Variants in STXBP5L observed in about 807,000 individuals in gnomAD.
STXBP5L encodes the protein syntaxin binding protein 5L.
A neutral mutation model predicts 144.5 loss-of-function variants in STXBP5L; 65 were observed. The observed-to-expected ratio is 0.45, with a 90% CI of 0.37 to 0.55. The LOEUF (loss-of-function observed/expected upper bound fraction) is 0.55, where lower values mean the gene tolerates loss of function less well. Among genes scored for constraint, STXBP5L ranks in the 20% least tolerant of loss-of-function variants. The pLI is 0.00. For synonymous variants in STXBP5L, 505 were observed against 469.6 expected, an observed-to-expected ratio of 1.08 and a Z score of -0.97; for missense variants, 1,298 against 1,405.5, an observed-to-expected ratio of 0.92 and a Z score of 1.22.
At chr3:121,083,460 A>G (rs2042343385) in intron 5 of STXBP5L, among the ~76,000 whole-genome samples, 2 of 151,922 alleles carry the variant, frequency 1.3e-5, no homozygotes, top group Admixed American at 1.3e-4. Context: ...TCACAAGTTC[A>G]AGACCAGCCT....
intron 20 of STXBP5L, among the ~76,000 whole-genome samples, chr3:121,365,493 T>C (rs1030446632): frequency 6.6e-6 from 1 of 151,844 alleles, no homozygotes; most frequent in East Asian, 1.9e-4. Flanking sequence ...TCTTTGTGAC[T>C]TGGTCATGGC....
At chr3:121,122,109 A>G (rs910850441) in intron 7 of STXBP5L, among the ~76,000 whole-genome samples, 46 of 151,338 alleles carry the variant, frequency 3.0e-4, no homozygotes, top group African/African-American at 1.1e-3. Context: ...ATGTACTAAT[A>G]TATAAAATGT....
intron 5 of STXBP5L, among the ~76,000 whole-genome samples, chr3:121,083,403 T>C (rs1168844257): frequency 6.6e-6 from 1 of 152,136 alleles, no homozygotes; most frequent in African/African-American, 2.4e-5. Flanking sequence ...GGCTCACGCC[T>C]GTAATTCCAA....
At chr3:121,127,529 C>A (rs2044764915) in intron 7 of STXBP5L, among the ~76,000 whole-genome samples, 1 of 151,730 alleles carries the variant, frequency 6.6e-6, no homozygotes, top group African/African-American at 2.4e-5. Flanking sequence ...TTTCCATTTT[C>A]ACATGATCTT....
intron 3 of STXBP5L, among the ~76,000 whole-genome samples, chr3:120,993,119 G>A (rs977921353): frequency 2.0e-5 from 3 of 151,738 alleles, no homozygotes; most frequent in African/African-American, 7.3e-5. Context: ...TGTCTGCCCT[G>A]GTCTTTTGCC....
intron 20 of STXBP5L, among the ~76,000 whole-genome samples, chr3:121,363,471 A>G (rs1037415632): frequency 2.6e-5 from 4 of 152,022 alleles, no homozygotes; most frequent in African/African-American, 4.8e-5. Context: ...GATGGTTGAA[A>G]TTCTCTCTCT....
intron 20 of STXBP5L, among the ~76,000 whole-genome samples, chr3:121,348,084 G>A (rs2045084361): frequency 6.6e-6 from 1 of 152,114 alleles, no homozygotes; most frequent in Admixed American, 6.5e-5. Flanking sequence ...GTATGATATT[G>A]GCTGTGGGTT....
chr3:121,028,910 G>C (rs980627536), intron 3 of STXBP5L, among the ~76,000 whole-genome samples: 1 of 151,996 alleles, frequency 6.6e-6, no homozygotes, highest in African/African-American at 2.4e-5. Flanking sequence ...TAGAAAGGGA[G>C]TTTATTCTCC....
chr3:120,921,431 C>T (rs1709354213), intron 2 of STXBP5L, among the ~76,000 whole-genome samples: 1 of 151,828 alleles, frequency 6.6e-6, no homozygotes, highest in South Asian at 2.1e-4. Flanking sequence ...TGGGTTGTCT[C>T]TTTACCTTGT....
chr3:121,338,031 A>G (rs1171115288), intron 20 of STXBP5L, among the ~76,000 whole-genome samples: 1 of 152,154 alleles, frequency 6.6e-6, no homozygotes, highest in Non-Finnish European at 1.5e-5. Flanking sequence ...CAAGTTATCA[A>G]AACCTCTGGG....
intron 19 of STXBP5L, among the ~76,000 whole-genome samples, chr3:121,317,799 A>G (rs1312500668): frequency 6.6e-6 from 1 of 152,144 alleles, no homozygotes; most frequent in Non-Finnish European, 1.5e-5. Flanking sequence ...AATATTGGAA[A>G]GAGAAAAATA....
chr3:121,106,492 G>T (rs1158475846), intron 5 of STXBP5L, among the ~76,000 whole-genome samples: 1 of 152,022 alleles, frequency 6.6e-6, no homozygotes, highest in African/African-American at 2.4e-5. Context: ...GAGAACATGC[G>T]GTGTTTGGTT....
At chr3:121,041,839 G>T in intron 4 of STXBP5L, 58 bp downstream of exon 4, 1 of 1,116,966 alleles carries the variant, frequency 9.0e-7, no homozygotes, top group South Asian at 1.3e-5. Context: ...CAGTGAATCA[G>T]TTAATGTAAT....
chr3:121,315,998 CT>C (rs1297332685), intron 19 of STXBP5L, among the ~76,000 whole-genome samples: 762 of 41,560 alleles, frequency 0.018, 1 homozygote, highest in South Asian at 0.034. Context: ...GAGACTCTGT[CT>C]CAAAAAAAAA....
chr3:121,317,019 T>G (rs1288702048), intron 19 of STXBP5L, among the ~76,000 whole-genome samples: 1 of 152,246 alleles, frequency 6.6e-6, no homozygotes, highest in Non-Finnish European at 1.5e-5. Flanking sequence ...TAACACTTAC[T>G]GCTTATTTAG....
intron 5 of STXBP5L, among the ~76,000 whole-genome samples, chr3:121,086,010 A>G (rs2042473477): frequency 6.6e-6 from 1 of 152,194 alleles, no homozygotes; most frequent in Non-Finnish European, 1.5e-5. Flanking sequence ...CTCAGAAATA[A>G]GACCACACAT....
At chr3:121,352,831 C>A (rs947604433) in intron 20 of STXBP5L, among the ~76,000 whole-genome samples, 9 of 152,064 alleles carry the variant, frequency 5.9e-5, no homozygotes, top group African/African-American at 2.2e-4. Context: ...TCATAAGTAG[C>A]TCTTATTATT....
chr3:121,051,695 A>T (rs1343041996), intron 5 of STXBP5L, among the ~76,000 whole-genome samples: 1 of 152,166 alleles, frequency 6.6e-6, no homozygotes, highest in Non-Finnish European at 1.5e-5. Flanking sequence ...GCAAGAGGAA[A>T]CACATTCAAA....
intron 9 of STXBP5L, among the ~76,000 whole-genome samples, chr3:121,198,280 A>G (rs1376678442): frequency 6.6e-6 from 1 of 152,196 alleles, no homozygotes; most frequent in Non-Finnish European, 1.5e-5. Context: ...TCTTAGCTGC[A>G]TAAATGTCTT....
Sources: allele counts gnomAD v4.1 joint callset (sites outside exome capture counted in the v4.1 genomes callset), GRCh38; gene constraint gnomAD v4.1.1; transcripts MANE v1.5; gene names NCBI Gene and HGNC (gene_info 2026-07-23, HGNC 2026-07-21).